WDR36: variants seen among roughly 807,000 people sequenced by gnomAD.
WDR36 encodes WD repeat domain 36.
Under a neutral mutation model 112.7 loss-of-function variants are expected in WDR36, and 63 were observed. The observed-to-expected ratio is 0.56, with a 90% CI of 0.46 to 0.69. WDR36 has a LOEUF of 0.69. Among genes scored for constraint, WDR36 ranks in the 30% least tolerant of loss-of-function variants. The pLI, the probability that WDR36 is intolerant of heterozygous loss-of-function variation, is 0.00. For synonymous variants in WDR36, 410 were observed against 362.2 expected, an observed-to-expected ratio of 1.13 and a Z score of -1.50; for missense variants, 1,226 against 1,070.3, an observed-to-expected ratio of 1.15 and a Z score of -2.03.
At chr5:111,124,283 T>C in intron 21 of WDR36, 94 bp downstream of exon 21, 1 of 1,054,142 alleles carries the variant, frequency 9.5e-7, no homozygotes. Flanking sequence ...TTCTCAGTAG[T>C]TAAGATAGTA....
intron 1 of WDR36, 81 bp downstream of exon 1, chr5:111,092,699 C>T: frequency 6.8e-7 from 1 of 1,464,270 alleles, no homozygotes; most frequent in Non-Finnish European, 9.3e-7. Flanking sequence ...TCCGGTTCTC[C>T]CTTCCCATTT....
chr5:111,108,333 C>T (rs185345639), intron 12 of WDR36, among the ~76,000 whole-genome samples: 49 of 150,982 alleles, frequency 3.2e-4, no homozygotes, highest in African/African-American at 1.2e-3. Flanking sequence ...CATTATTGAT[C>T]TCATATCTTG....
chr5:111,122,001 CAAGAA>C (rs1753577097), intron 19 of WDR36, among the ~76,000 whole-genome samples: 2 of 152,112 alleles, frequency 1.3e-5, no homozygotes, highest in South Asian at 4.1e-4. Context: ...ACTAATAACA[CAAGAA>C]AAGAAGTGTG....
In WDR36 at chr5:111,126,930, A is replaced by G. The variant is rs768932838; in HGVS notation, c.*47A>G. The G allele has an allele frequency of 3.4e-5, 51 of 1,491,678 alleles. No homozygotes were observed. Among genetic ancestry groups the G allele is most frequent in the Admixed American group, 4.4e-5 (2 of 45,252 alleles). The allele number at this position is 1,491,678 out of a possible 1,614,324, so 92.4% of individuals were successfully genotyped here. ...AAGACTTTCATATTAAATGGGTTCAATTGAACTCATTTCTTATTTTCCAAG... is the reference window on the plus strand; with the variant it reads ...AAGACTTTCATATTAAATGGGTTCAGTTGAACTCATTTCTTATTTTCCAAG... On this transcript the variant is annotated 3_prime_UTR_variant, in exon 23 of 23. Coordinates refer to ENST00000513710, the MANE Select transcript of WDR36 (RefSeq NM_139281.3).
chr5:111,096,096 A>G (rs1237266305), intron 2 of WDR36, among the ~76,000 whole-genome samples: 1 of 152,232 alleles, frequency 6.6e-6, no homozygotes, highest in African/African-American at 2.4e-5. Flanking sequence ...ACTAATATGG[A>G]ATTTGCAGCA....
chr5:111,111,609 AT>A (rs1351813657), intron 15 of WDR36: 1 of 272,294 alleles, frequency 3.7e-6, no homozygotes, highest in East Asian at 9.2e-5. Flanking sequence ...CTCATTTCTG[AT>A]TTACTATGTA....
intron 2 of WDR36, chr5:111,095,257 C>G (rs1337803992): frequency 7.1e-6 from 2 of 283,182 alleles, no homozygotes; most frequent in South Asian, 1.1e-4. Flanking sequence ...TTTGACATTT[C>G]TTCAGGATTA....
chr5:111,110,116 A>G lies in WDR36; in HGVS notation c.1327-73A>G, dbSNP rs1417770665. Reference sequence around the variant, plus strand: ...AATAAAAAGGAACAAGTAGATAAAAAAATGCTTTGGAAAGCATAAAGTGCA... The same window carrying G: ...AATAAAAAGGAACAAGTAGATAAAAGAATGCTTTGGAAAGCATAAAGTGCA... On this transcript the variant is annotated intron_variant, in intron 12 of 22. Coordinates refer to ENST00000513710, the MANE Select transcript of WDR36 (RefSeq NM_139281.3). 3 of 1,027,284 alleles carry G rather than the reference A, an allele frequency of 2.9e-6. No homozygotes were observed. The African/African-American group carries it at 4.8e-5, about 16-fold the overall frequency. The allele number at this position is 1,027,284 out of a possible 1,614,324, so 63.6% of individuals were successfully genotyped here. A position where few individuals can be genotyped will look rare whatever the true frequency, so the allele number is the denominator to read the frequency against.
Position 111,127,934 on chromosome 5 carries a change from T to G in WDR36, c.*1051T>G, listed in dbSNP as rs111947110. On this transcript the variant is annotated 3_prime_UTR_variant, in exon 23 of 23. Coordinates refer to ENST00000513710, the MANE Select transcript of WDR36 (RefSeq NM_139281.3). ...TTTTGTTTTGTTTTGTTTTTTTTTT[T>G]TTTTTTTTGGCTACACTTTTTTGGG... is the stretch of plus-strand genomic sequence containing the variant. 0.036 allele frequency: 7,367 copies of G among 202,560 alleles called. 444 individuals carry two copies. Among genetic ancestry groups the G allele is most frequent in the African/African-American group, 0.11 (4,723 of 42,888 alleles). 12.5% of individuals were successfully genotyped at this position (202,560 alleles called of 1,614,324 possible).
chr5:111,103,890 A>T lies in WDR36; in HGVS notation c.702A>T (p.Gly234=), dbSNP rs1172449896. 6.2e-7 allele frequency: 1 copy of T among 1,611,132 alleles called. No homozygotes were observed. The highest frequency in any genetic ancestry group is 2.2e-5 in the East Asian group (1 of 44,802). The change falls in exon 7 of 23, where the codon GGA becomes GGT. Residue 234 remains glycine, a synonymous_variant. Transcript: ENST00000513710. ...ETLMKFRQDW[G]PITSISFRTD... ...TAATGAAGTTTCGTCAAGACTGGGG[A>T]CCCATTACTTCAATTTCATTTCGCA...
chr5:111,104,462 G>A, intron 8 of WDR36, 110 bp downstream of exon 8: 1 of 1,489,074 alleles, frequency 6.7e-7, no homozygotes, highest in Non-Finnish European at 9.4e-7. Context: ...AAGGAATATG[G>A]AATGAGATAT....
intron 1 of WDR36, 25 bp downstream of exon 1, chr5:111,092,643 C>T (rs746965359): frequency 1.9e-6 from 3 of 1,603,036 alleles, no homozygotes; most frequent in Admixed American, 3.4e-5. Context: ...TTGTTAGCTT[C>T]CCAGGAAAAC....
intron 18 of WDR36, among the ~76,000 whole-genome samples, 178 bp downstream of exon 18, chr5:111,120,771 G>A (rs1753547501): frequency 6.6e-6 from 1 of 152,094 alleles, no homozygotes; most frequent in Non-Finnish European, 1.5e-5. Flanking sequence ...GTATTGATAA[G>A]CTATCAAATA....
rs1023608881 is a variant in WDR36, at chr5:111,126,764, G to A, written c.2569G>A (p.Val857Ile). 8 of 1,613,686 alleles carry A rather than the reference G, an allele frequency of 5.0e-6. No homozygotes were observed. The highest frequency in any genetic ancestry group is 1.3e-5 in the African/African-American group (1 of 74,974). The change falls in exon 23 of 23, where the codon GTA (valine) becomes ATA (isoleucine). Residue 857 changes from valine (V) to isoleucine (I), a missense_variant. Val to Ile is a conservative substitution (Grantham distance 29, BLOSUM62 3). Transcript: ENST00000513710. ...LHLKMLPSEP[V>I]LLEEITNLSS... ...CCTTAAAATGCTTCCTTCAGAGCCA[G>A]TACTCCTAGAAGAAATAACAAATTT... is the stretch of plus-strand genomic sequence containing the variant.
rs368171126 is a variant in WDR36 at position 111,101,102 on chromosome 5, T to G, written c.542+381T>G. ...AAGGGACTTGAGCATCTGTGAATTTTGGTATCAGCAGAGAAGTTGGGGAAG... is the reference window on the plus strand; with the variant it reads ...AAGGGACTTGAGCATCTGTGAATTTGGGTATCAGCAGAGAAGTTGGGGAAG... On this transcript the variant is annotated intron_variant, in intron 5 of 22. Transcript: ENST00000513710. Among the ~76,000 whole-genome samples the G allele has an allele frequency of 4.6e-5, 7 of 152,044 alleles. 1 individual carries two copies. The highest frequency in any genetic ancestry group is 1.9e-4 in the East Asian group (1 of 5,166).
At chr5:111,115,278 C>A (rs754763872) in intron 16 of WDR36, among the ~76,000 whole-genome samples, 1 of 152,272 alleles carries the variant, frequency 6.6e-6, no homozygotes, top group Middle Eastern at 3.4e-3. Flanking sequence ...GCTTGAATAA[C>A]TATCCAACAA....
intron 5 of WDR36, 108 bp downstream of exon 5, chr5:111,100,829 A>G: frequency 8.5e-7 from 1 of 1,176,864 alleles, no homozygotes; most frequent in South Asian, 1.6e-5. Flanking sequence ...ATTTATTTGG[A>G]GGGTTGTCTA....
intron 19 of WDR36, among the ~76,000 whole-genome samples, chr5:111,123,036 G>A (rs1001749141): frequency 1.3e-5 from 2 of 152,032 alleles, no homozygotes; most frequent in African/African-American, 4.8e-5. Flanking sequence ...TTGAACCCGG[G>A]AGGCGGAGGT....
chr5:111,095,023 G>A (rs909933380), intron 2 of WDR36, 76 bp downstream of exon 2: 1 of 1,369,284 alleles, frequency 7.3e-7, no homozygotes, highest in African/African-American at 1.4e-5. Flanking sequence ...GAGACTTACA[G>A]AGCATATAAG....
Sources: gnomAD v4.1 joint callset for allele counts (sites outside exome capture counted in the v4.1 genomes callset) on GRCh38, gnomAD v4.1.1 for gene constraint, MANE v1.5 for transcripts, NCBI Gene and HGNC (gene_info 2026-07-23, HGNC 2026-07-21) for gene names.